Variants in SLC25A20 observed in about 807,000 individuals in gnomAD.
The protein encoded by SLC25A20 is solute carrier family 25 member 20.
In SLC25A20, 29 loss-of-function variants were observed where a neutral mutation model predicts 39.7. The observed-to-expected ratio is 0.73, with a 90% CI of 0.54 to 1.00. The LOEUF (loss-of-function observed/expected upper bound fraction) is 1.00. Ranked by LOEUF, SLC25A20 falls within the 50% of genes least tolerant of loss-of-function variation. SLC25A20 has a pLI of 0.00. For synonymous variants in SLC25A20, 103 were observed against 142.2 expected, an observed-to-expected ratio of 0.72 and a Z score of 1.96; for missense variants, 333 against 379.9, an observed-to-expected ratio of 0.88 and a Z score of 1.03.
Position 48,898,869 on chromosome 3 carries a change from G to A in SLC25A20, c.-75C>T. On this transcript the variant is annotated 5_prime_UTR_variant, in exon 1 of 9. Coordinates refer to ENST00000319017, the MANE Select transcript of SLC25A20 (RefSeq NM_000387.6). ...TCTCAGCCCCAGCTGCAGTGCCGGC[G>A]CCGCCGACCTTTCACCCACTTTTGG... 1 of 1,435,780 alleles carries A rather than the reference G, an allele frequency of 7.0e-7. No homozygotes were observed. Among genetic ancestry groups the A allele is most frequent in the South Asian group, 1.2e-5 (1 of 81,508 alleles). The allele number at this position is 1,435,780 out of a possible 1,614,324, so 88.9% of individuals were successfully genotyped here.
intron 4 of SLC25A20, among the ~76,000 whole-genome samples, chr3:48,875,629 C>T (rs2083750312): frequency 6.6e-6 from 1 of 152,136 alleles, no homozygotes; most frequent in East Asian, 1.9e-4. Context: ...AAGCAGGTCT[C>T]AAACTGCTGA....
chr3:48,880,392 C>T (rs2083788608), intron 3 of SLC25A20, among the ~76,000 whole-genome samples: 2 of 151,918 alleles, frequency 1.3e-5, no homozygotes, highest in South Asian at 4.2e-4. Context: ...ATTCTCCTGC[C>T]TCAGCTCCCG....
chr3:48,884,111 AG>A lies in SLC25A20; in HGVS notation c.211del (p.Leu71TyrfsTer58), dbSNP rs771056448. 1 of 1,613,642 alleles carries A rather than the reference AG, an allele frequency of 6.2e-7. No individual in the cohort carries two copies. The highest frequency in any genetic ancestry group is 8.5e-7 in the Non-Finnish European group (1 of 1,179,656). On this transcript the variant is annotated frameshift_variant, in exon 3 of 9. Transcript: ENST00000319017. LOFTEE classifies it high-confidence loss of function. ...GATAGGGGCAGCCATTCCCCGATAT[AG>A]CCCCGTGATGCCCTGCAAGGAATCA... The part of the protein sequence containing the change: ...KTLFREGITG[L>X]YRGMAAPIIG...
chr3:48,868,704 G>A (rs565511648), intron 4 of SLC25A20, among the ~76,000 whole-genome samples: 1 of 152,154 alleles, frequency 6.6e-6, no homozygotes. Flanking sequence ...GACCAGGAAA[G>A]GTCCTCTACT....
chr3:48,876,107 C>T (rs530062798), intron 4 of SLC25A20, among the ~76,000 whole-genome samples: 6 of 152,066 alleles, frequency 3.9e-5, no homozygotes, highest in South Asian at 2.1e-4. Flanking sequence ...CTCTGGGATG[C>T]CGAGGTGGGT....
chr3:48,857,438 T>G lies in SLC25A20; in HGVS notation c.*272A>C. 2.2e-6 allele frequency: 1 copy of G among 464,884 alleles called. No homozygotes were observed. The highest frequency in any genetic ancestry group is 2.2e-5 in the South Asian group (1 of 46,264). 28.8% of individuals were successfully genotyped at this position (464,884 alleles called of 1,614,324 possible). A position where few individuals can be genotyped will look rare whatever the true frequency, so the allele number is the denominator to read the frequency against. ...TGGTAGGCAGCATTCTTGCCACAGGTAGTATCTGGTCTGGAAGCTACTTGT... is the reference window on the plus strand; with the variant it reads ...TGGTAGGCAGCATTCTTGCCACAGGGAGTATCTGGTCTGGAAGCTACTTGT... On this transcript the variant is annotated 3_prime_UTR_variant, in exon 9 of 9. Transcript: ENST00000319017.
chr3:48,896,670 G>C (rs2083911863), intron 1 of SLC25A20, among the ~76,000 whole-genome samples: 1 of 151,038 alleles, frequency 6.6e-6, no homozygotes, highest in Admixed American at 6.6e-5. Flanking sequence ...GCCACCACAT[G>C]CAGCCAATTT....
chr3:48,874,774 TGGTGGCTCACACCTGTAATCTC>T (rs2083741723), intron 4 of SLC25A20, among the ~76,000 whole-genome samples: 1 of 151,986 alleles, frequency 6.6e-6, no homozygotes, highest in African/African-American at 2.4e-5. Flanking sequence ...GGGCTGGGCA[TGGTGGCTCACACCTGTAATCTC>T]AGCATTTTGG....
At chr3:48,892,166 G>C in intron 1 of SLC25A20, 94 bp from the exon 2 acceptor site, 1 of 923,138 alleles carries the variant, frequency 1.1e-6, no homozygotes, top group Non-Finnish European at 1.8e-6. Context: ...AACAGGGAAG[G>C]CTGTACCCTT....
In SLC25A20 at chr3:48,857,188, T is replaced by C. The variant is rs2083586149; in HGVS notation, c.*522A>G. The C allele has an allele frequency of 6.2e-6, 1 of 161,956 alleles. No individual in the cohort carries two copies. Among genetic ancestry groups the C allele is most frequent in the African/African-American group, 2.4e-5 (1 of 41,542 alleles). The allele number at this position is 161,956 out of a possible 1,614,324, so 10.0% of individuals were successfully genotyped here. On this transcript the variant is annotated 3_prime_UTR_variant, in exon 9 of 9. Coordinates refer to ENST00000319017, the MANE Select transcript of SLC25A20 (RefSeq NM_000387.6). The stretch of plus-strand genomic sequence containing the variant: ...CAGTCTATCTCCTCCTAGGCATATA[T>C]GCTCAATCCACTTGGACACAGAGGT...
At chr3:48,860,881 T>C (rs888989118) in intron 5 of SLC25A20, among the ~76,000 whole-genome samples, 1 of 150,262 alleles carries the variant, frequency 6.7e-6, no homozygotes, top group Non-Finnish European at 1.5e-5. Context: ...TCGCCCAGGC[T>C]GGAGTGCAAT....
At chr3:48,879,313 T>A (rs1291489483) in intron 4 of SLC25A20, 45 bp downstream of exon 4, 1 of 1,401,914 alleles carries the variant, frequency 7.1e-7, no homozygotes. Context: ...CACGAAATTA[T>A]AAACTGAAAG....
rs192691459 is a variant in SLC25A20 at position 48,896,842 on chromosome 3, T to C, written c.105+1848A>G. The stretch of plus-strand genomic sequence containing the variant: ...GCCTAGGTTGTCTTATTTTATAATA[T>C]GATCCCCACTTGCAAGCCACACTCA... On this transcript the variant is annotated intron_variant, in intron 1 of 8. Coordinates refer to ENST00000319017, the MANE Select transcript of SLC25A20 (RefSeq NM_000387.6). 4.3e-4 allele frequency among the ~76,000 whole-genome samples: 65 copies of C among 152,018 alleles called. 1 individual carries two copies. The highest frequency in any genetic ancestry group is 6.8e-3 in the Middle Eastern group (2 of 294).
chr3:48,871,026 A>G (rs559311371), intron 4 of SLC25A20, among the ~76,000 whole-genome samples: 5 of 151,972 alleles, frequency 3.3e-5, no homozygotes, highest in African/African-American at 1.2e-4. Context: ...GGGTTTTGCC[A>G]TATTGGCCAG....
chr3:48,877,660 C>T (rs572799874), intron 4 of SLC25A20, among the ~76,000 whole-genome samples: 4 of 150,952 alleles, frequency 2.6e-5, no homozygotes, highest in East Asian at 3.9e-4. Flanking sequence ...ACCCAGGAGG[C>T]GGAGGTTGCA....
intron 1 of SLC25A20, among the ~76,000 whole-genome samples, chr3:48,892,712 T>G (rs1251722327): frequency 6.6e-6 from 1 of 152,156 alleles, no homozygotes; most frequent in Non-Finnish European, 1.5e-5. Flanking sequence ...CCACTCACAT[T>G]AGGGAGGACA....
In SLC25A20 at chr3:48,868,010, GA is replaced by G. The variant is rs1311965465; in HGVS notation, c.418-5352del. Among the ~76,000 whole-genome samples, 6 of 151,698 alleles carry G rather than the reference GA, an allele frequency of 4.0e-5. No individual in the cohort carries two copies. In the South Asian group the frequency reaches 1.0e-3, roughly 26 times the overall value. Reference sequence around the variant, plus strand: ...TGGGAGGCGGAGGTTGCGGTGAGCCGAGATGGCGCCACTGCACTCCAGCCTA... The same window carrying G: ...TGGGAGGCGGAGGTTGCGGTGAGCCGGATGGCGCCACTGCACTCCAGCCTA... On this transcript the variant is annotated intron_variant, in intron 4 of 8. Transcript: ENST00000319017.
rs2083718892 is a variant in SLC25A20 at position 48,871,972 on chromosome 3, T to C, written c.417+7386A>G. 2.1e-5 allele frequency among the ~76,000 whole-genome samples: 3 copies of C among 141,344 alleles called. No homozygotes were observed. In the South Asian group the frequency reaches 7.0e-4, roughly 33 times the overall value. 92.7% of individuals were successfully genotyped at this position (141,344 alleles called of 152,430 possible). A position where few individuals can be genotyped will look rare whatever the true frequency, so the allele number is the denominator to read the frequency against. On this transcript the variant is annotated intron_variant, in intron 4 of 8. Coordinates refer to ENST00000319017, the MANE Select transcript of SLC25A20 (RefSeq NM_000387.6). The stretch of plus-strand genomic sequence containing the variant: ...CTGGGACTACAGGTGCATACCACCA[T>C]GCCCAGCTAATTTTTTTTTTTTTTT...
intron 1 of SLC25A20, among the ~76,000 whole-genome samples, chr3:48,892,570 A>C (rs2083885034): frequency 6.6e-6 from 1 of 152,174 alleles, no homozygotes; most frequent in Non-Finnish European, 1.5e-5. Flanking sequence ...AAAAGAACCA[A>C]TGATTCAGTT....
Sources: allele counts gnomAD v4.1 joint callset (sites outside exome capture counted in the v4.1 genomes callset), GRCh38; gene constraint gnomAD v4.1.1; transcripts MANE v1.5; gene names NCBI Gene and HGNC (gene_info 2026-07-23, HGNC 2026-07-21).